DPY19L1: variants seen among roughly 807,000 people sequenced by gnomAD.
DPY19L1 encodes dpy-19 like C-mannosyltransferase 1.
Under a neutral mutation model 96.9 loss-of-function variants are expected in DPY19L1, and 35 were observed. The ratio of observed to expected loss-of-function variants is 0.36; its 90% CI spans 0.28 to 0.48. The LOEUF (loss-of-function observed/expected upper bound fraction) is 0.48. DPY19L1 is among the 20% of genes least tolerant of loss of function. The pLI is 0.99. For synonymous variants in DPY19L1, 205 were observed against 252.6 expected (o/e 0.81, Z 1.79); for missense variants, 521 against 777.9 (o/e 0.67, Z 3.93).
In DPY19L1 at chr7:35,017,934, T is replaced by C; in HGVS notation, c.359A>G (p.His120Arg). 1.2e-6 allele frequency: 2 copies of C among 1,605,494 alleles called. No homozygotes were observed. Among genetic ancestry groups the C allele is most frequent in the Non-Finnish European group, 8.5e-7 (1 of 1,175,638 alleles). Reference sequence around the variant, plus strand: ...TTCCAATGTTGAGAGGTGAGAAAAATGACGGTCATTTTCAAAGAGGTGTGT... The same window carrying C: ...TTCCAATGTTGAGAGGTGAGAAAAACGACGGTCATTTTCAAAGAGGTGTGT... ...HITHLFENDR[H>R]FSHLSTLERE... Residue 120 changes from histidine (H) to arginine (R), a missense_variant, in exon 3 of 22, where the codon CAT (histidine) becomes CGT (arginine). Coordinates refer to ENST00000638088, the MANE Select transcript of DPY19L1 (RefSeq NM_001366673.1).
chr7:34,985,815 T>C (rs1476412556), intron 7 of DPY19L1, among the ~76,000 whole-genome samples: 1 of 151,952 alleles, frequency 6.6e-6, no homozygotes, highest in Non-Finnish European at 1.5e-5. Flanking sequence ...AGAGTATATA[T>C]ACAAAGGAAC....
rs1409534882 is a variant in DPY19L1, at chr7:34,974,509, C to T, written c.823-904G>A. ...GAGCCAATTTACTGCTCTTTTCTAA[C>T]AAGCTCACCATCCTTTATGAAACTG... On this transcript the variant is annotated intron_variant, in intron 7 of 21. Coordinates refer to ENST00000638088, the MANE Select transcript of DPY19L1 (RefSeq NM_001366673.1). Among the ~76,000 whole-genome samples the T allele has an allele frequency of 2.6e-5, 4 of 152,196 alleles. No individual in the cohort carries two copies. In the East Asian group the frequency reaches 7.7e-4, roughly 29 times the overall value.
chr7:35,021,648 C>A (rs1785997785), intron 1 of DPY19L1, among the ~76,000 whole-genome samples: 1 of 152,158 alleles, frequency 6.6e-6, no homozygotes, highest in South Asian at 2.1e-4. Context: ...AGTTGAGGCA[C>A]AGAGTAGTTG....
intron 6 of DPY19L1, among the ~76,000 whole-genome samples, chr7:34,993,359 A>G (rs1235440967): frequency 3.3e-5 from 5 of 152,180 alleles, no homozygotes; most frequent in African/African-American, 1.2e-4. Flanking sequence ...CCCTTTTACC[A>G]GCGAAATGAA....
intron 6 of DPY19L1, among the ~76,000 whole-genome samples, chr7:34,992,561 T>C (rs80102036): frequency 7.8e-5 from 10 of 128,346 alleles, no homozygotes; most frequent in Admixed American, 4.3e-4. Context: ...TTTTTTTTTT[T>C]CCAGAGACTG....
intron 7 of DPY19L1, among the ~76,000 whole-genome samples, chr7:34,986,396 C>T (rs328908): frequency 0.27 from 41,281 of 151,802 alleles, 5,761 homozygotes; most frequent in Non-Finnish European, 0.31. Context: ...AAACATCACA[C>T]TGTACCCCAC....
chr7:35,002,947 T>G (rs1179875449), intron 6 of DPY19L1, among the ~76,000 whole-genome samples: 1 of 152,034 alleles, frequency 6.6e-6, no homozygotes, highest in African/African-American at 2.4e-5. Flanking sequence ...TTTTTTGTAT[T>G]TTTTAGTAGA....
At chr7:34,975,279 T>G (rs1306118859) in intron 7 of DPY19L1, among the ~76,000 whole-genome samples, 2 of 151,934 alleles carry the variant, frequency 1.3e-5, no homozygotes, top group Non-Finnish European at 2.9e-5. Flanking sequence ...TTGAAGGAAA[T>G]TAAAAGTGAA....
intron 16 of DPY19L1, among the ~76,000 whole-genome samples, chr7:34,943,065 C>T (rs941621623): frequency 5.3e-5 from 8 of 152,200 alleles, no homozygotes; most frequent in African/African-American, 1.7e-4. Context: ...TGTGAGTTGA[C>T]AACACACACC....
chr7:34,949,241 A>G lies in DPY19L1; in HGVS notation c.1422+556T>C, dbSNP rs1251291216. ...TGTATTATCTCATTTTGTCTTCACAATATCTGTTTATGGCATGCTACTAGA... is the reference window on the plus strand; with the variant it reads ...TGTATTATCTCATTTTGTCTTCACAGTATCTGTTTATGGCATGCTACTAGA... On this transcript the variant is annotated intron_variant, in intron 14 of 21. Transcript: ENST00000638088. 2.0e-5 allele frequency among the ~76,000 whole-genome samples: 3 copies of G among 152,294 alleles called. No homozygotes were observed. In the East Asian group the frequency reaches 5.8e-4, roughly 29 times the overall value.
chr7:34,974,445 CA>C (rs1388714890), intron 7 of DPY19L1, among the ~76,000 whole-genome samples: 2 of 152,192 alleles, frequency 1.3e-5, no homozygotes, highest in African/African-American at 4.8e-5. Context: ...CGCTGTACCT[CA>C]GACTACTGAA....
chr7:34,997,617 A>C (rs1326987010), intron 6 of DPY19L1, among the ~76,000 whole-genome samples: 4 of 98,758 alleles, frequency 4.1e-5, no homozygotes, highest in African/African-American at 1.4e-4. Flanking sequence ...CTCAAAAAAA[A>C]AAAAAAAAAA....
rs1273864395 is a variant in DPY19L1, at chr7:34,939,338, A to G, written c.1902T>C (p.Ser634=). 1 of 1,614,024 alleles carries G rather than the reference A, an allele frequency of 6.2e-7. No individual in the cohort carries two copies. Among genetic ancestry groups the G allele is most frequent in the Non-Finnish European group, 8.5e-7 (1 of 1,179,954 alleles). ...TGGGCCGAAGTGCAGAGAGCTTAACACTTGCCATCGTGGGCATGGCACCCG... is the reference window on the plus strand; with the variant it reads ...TGGGCCGAAGTGCAGAGAGCTTAACGCTTGCCATCGTGGGCATGGCACCCG... ...VFAGAMPTMA[S]VKLSALRPIV... is the part of the protein sequence containing the mutation. Residue 634 remains serine (S), a synonymous_variant, in exon 20 of 22, where the codon AGT becomes AGC. Transcript: ENST00000638088.
At chr7:35,036,670 C>G (rs971353186) in intron 1 of DPY19L1, among the ~76,000 whole-genome samples, 2 of 152,144 alleles carry the variant, frequency 1.3e-5, no homozygotes, top group Admixed American at 1.3e-4. Flanking sequence ...CGACATGGAA[C>G]GTGCGTTTGC....
chr7:34,960,817 T>C (rs955122706), intron 10 of DPY19L1, among the ~76,000 whole-genome samples: 13 of 152,210 alleles, frequency 8.5e-5, no homozygotes, highest in African/African-American at 3.1e-4. Context: ...CAAAAATAGA[T>C]GTTGACTTTT....
chr7:35,015,598 C>T (rs56115816), intron 3 of DPY19L1, among the ~76,000 whole-genome samples: 4 of 152,122 alleles, frequency 2.6e-5, no homozygotes, highest in Admixed American at 2.0e-4. Flanking sequence ...ATCCTCAGTT[C>T]CAGGAATTCC....
rs1391468100 is a variant in DPY19L1 at position 34,982,581 on chromosome 7, C to G, written c.822+7303G>C. Among the ~76,000 whole-genome samples the G allele has an allele frequency of 6.6e-5, 10 of 152,228 alleles. No homozygotes were observed. The East Asian group carries it at 1.9e-3, about 29-fold the overall frequency. On this transcript the variant is annotated intron_variant, in intron 7 of 21. Transcript: ENST00000638088. ...GATTTACAGTGAAACTAGATATAGC[C>G]CAAGTGAAGATACAGAACAGCTGTT...
In DPY19L1 at chr7:34,929,070, T is replaced by A. The variant is rs1290178478; in HGVS notation, c.*2503A>T. 1 of 152,252 alleles carries A rather than the reference T, an allele frequency of 6.6e-6. No individual in the cohort carries two copies. Among genetic ancestry groups the A allele is most frequent in the East Asian group, 1.9e-4 (1 of 5,204 alleles). 9.4% of individuals were successfully genotyped at this position (152,252 alleles called of 1,614,324 possible). ...GCCAAGCATTTTTAGAGGCTTATCT[T>A]TTTAAAGAAATACAGCCCCAACTTT... On this transcript the variant is annotated 3_prime_UTR_variant, in exon 22 of 22. Transcript: ENST00000638088.
At position 34,961,975 on chromosome 7, in the gene DPY19L1, AG is replaced by A. The variant is rs150770319; in HGVS notation, c.1093-3906del. Among the ~76,000 whole-genome samples the A allele has an allele frequency of 9.6e-3, 1,458 of 152,368 alleles. 18 individuals carry two copies. The highest frequency in any genetic ancestry group is 0.031 in the African/African-American group (1,307 of 41,588). On this transcript the variant is annotated intron_variant, in intron 10 of 21. Transcript: ENST00000638088. ...AATGCTGACAAGGATGTGGAGCAGC[AG>A]GAACTCTCATTTATTGCTGGTGGTA... is the stretch of plus-strand genomic sequence containing the variant.
Sources: gnomAD v4.1 joint callset for allele counts (sites outside exome capture counted in the v4.1 genomes callset) on GRCh38, gnomAD v4.1.1 for gene constraint, MANE v1.5 for transcripts, NCBI Gene and HGNC (gene_info 2026-07-23, HGNC 2026-07-21) for gene names.